The following LRRC7 variants were observed in gnomAD, a reference collection of about 807,000 sequenced individuals.
LRRC7 encodes leucine-rich repeat-containing protein 7.
In LRRC7, 23 loss-of-function variants were observed where a neutral mutation model predicts 175.7. The observed-to-expected ratio is 0.13, with a 90% CI of 0.09 to 0.19. LRRC7 has a LOEUF of 0.19. LRRC7 is among the 10% of genes least tolerant of loss of function. LRRC7 has a pLI of 1.00. For synonymous variants in LRRC7, 685 were observed against 680.9 expected (o/e 1.01, Z -0.09); for missense variants, 1,354 against 1,904.7 (o/e 0.71, Z 5.38).
chr1:69,602,517 G>T (rs906577923), intron 1 of LRRC7, among the ~76,000 whole-genome samples: 1 of 152,088 alleles, frequency 6.6e-6, no homozygotes, highest in Admixed American at 6.5e-5. Flanking sequence ...AAAAGTATTG[G>T]TGTTTATTAC....
chr1:69,908,206 A>G (rs1289185836), intron 7 of LRRC7, among the ~76,000 whole-genome samples: 1 of 152,142 alleles, frequency 6.6e-6, no homozygotes, highest in Non-Finnish European at 1.5e-5. Context: ...TCTTTTCAAA[A>G]AACCAGCTCC....
Position 70,128,673 on chromosome 1 carries a change from G to A in LRRC7, c.*6786G>A, listed in dbSNP as rs1222621909. 6.6e-6 allele frequency: 1 copy of A among 152,116 alleles called. No individual in the cohort carries two copies. The highest frequency in any genetic ancestry group is 1.5e-5 in the Non-Finnish European group (1 of 68,018). The allele number at this position is 152,116 out of a possible 1,614,324, so 9.4% of individuals were successfully genotyped here. A position where few individuals can be genotyped will look rare whatever the true frequency, so the allele number is the denominator to read the frequency against. On this transcript the variant is annotated 3_prime_UTR_variant, in exon 27 of 27. Coordinates refer to ENST00000651989, the MANE Select transcript of LRRC7 (RefSeq NM_001370785.2). ...ATTATAAATATTAAAATAAATATTT[G>A]TTGGGCATCAACTACATATCAGGTA...
chr1:69,801,361 G>A (rs1232450551), intron 4 of LRRC7, among the ~76,000 whole-genome samples: 1 of 151,386 alleles, frequency 6.6e-6, no homozygotes, highest in African/African-American at 2.4e-5. Context: ...TTTATTTTTG[G>A]GGAGATGCCT....
chr1:69,725,750 A>G (rs1666897084), intron 2 of LRRC7, among the ~76,000 whole-genome samples: 1 of 152,158 alleles, frequency 6.6e-6, no homozygotes, highest in Non-Finnish European at 1.5e-5. Context: ...CAAGGCCATG[A>G]TGGCCAGAGA....
chr1:69,800,965 T>G (rs1676408844), intron 4 of LRRC7, among the ~76,000 whole-genome samples: 1 of 151,872 alleles, frequency 6.6e-6, no homozygotes, highest in Non-Finnish European at 1.5e-5. Context: ...TTTTGTCAAA[T>G]GCTTTTTCTC....
At chr1:69,803,171 C>T (rs1676719891) in intron 4 of LRRC7, among the ~76,000 whole-genome samples, 1 of 151,354 alleles carries the variant, frequency 6.6e-6, no homozygotes. Flanking sequence ...ATCTAATATT[C>T]AGTCTTAATA....
rs577488654 is a variant in LRRC7 at position 69,588,526 on chromosome 1, A to G, written c.2+19885A>G. 6.6e-5 allele frequency among the ~76,000 whole-genome samples: 10 copies of G among 152,298 alleles called. No homozygotes were observed. In the East Asian group the frequency reaches 1.5e-3, roughly 24 times the overall value. ...AAATATAAAATAAAACAAATGCAAT[A>G]TAGTGGATAAAGTATGAGCTTTGAC... On this transcript the variant is annotated intron_variant, in intron 1 of 26. Coordinates refer to ENST00000651989, the MANE Select transcript of LRRC7 (RefSeq NM_001370785.2).
At chr1:69,705,990 T>C (rs1557625473) in intron 2 of LRRC7, among the ~76,000 whole-genome samples, 1 of 152,302 alleles carries the variant, frequency 6.6e-6, no homozygotes, top group Middle Eastern at 3.4e-3. Context: ...TGATTATTTC[T>C]TATATGAATT....
At chr1:69,571,639 G>A (rs1261825669) in intron 1 of LRRC7, among the ~76,000 whole-genome samples, 1 of 151,840 alleles carries the variant, frequency 6.6e-6, no homozygotes, top group Non-Finnish European at 1.5e-5. Context: ...TCACTTTTTA[G>A]AACAGATAAA....
intron 1 of LRRC7, among the ~76,000 whole-genome samples, chr1:69,658,902 G>A (rs1657033893): frequency 6.6e-6 from 1 of 151,928 alleles, no homozygotes; most frequent in South Asian, 2.1e-4. Flanking sequence ...AACCAACAAG[G>A]TATGATGACA....
At chr1:69,970,351 G>A (rs66914569) in intron 8 of LRRC7, among the ~76,000 whole-genome samples, 17 of 151,802 alleles carry the variant, frequency 1.1e-4, no homozygotes, top group Non-Finnish European at 2.4e-4. Flanking sequence ...CTGGTTCTTC[G>A]AAAAGATAAA....
At chr1:69,764,730 C>CAGACAGACAGATAGATAGATAGAT (rs1377304958) in intron 3 of LRRC7, among the ~76,000 whole-genome samples, 52 of 140,412 alleles carry the variant, frequency 3.7e-4, no homozygotes, top group African/African-American at 9.9e-4. Flanking sequence ...GATAGATAGA[C>CAGACAGACAGATAGATAGATAGAT]AGATAGATAG....
chr1:69,706,584 GT>G (rs1664066174), intron 2 of LRRC7, among the ~76,000 whole-genome samples: 1 of 152,052 alleles, frequency 6.6e-6, no homozygotes, highest in South Asian at 2.1e-4. Flanking sequence ...TTTGTGTACT[GT>G]TTTTTTAAAG....
intron 4 of LRRC7, among the ~76,000 whole-genome samples, chr1:69,815,758 A>G (rs933368805): frequency 6.6e-6 from 1 of 152,106 alleles, no homozygotes; most frequent in Admixed American, 6.6e-5. Flanking sequence ...TATTTCTCAC[A>G]GTTCTGGAGG....
At position 70,130,490 on chromosome 1, in the gene LRRC7, A is replaced by C. The variant is rs1040417195; in HGVS notation, c.*8603A>C. On this transcript the variant is annotated 3_prime_UTR_variant, in exon 27 of 27. Transcript: ENST00000651989. ...GACTCAAAATTCCCAGTTAAAAAAA[A>C]TTTCTCCTTTTTAAATCAGTCTTCC... is the stretch of plus-strand genomic sequence containing the variant. Among the ~76,000 whole-genome samples, 9 of 152,250 alleles carry C rather than the reference A, an allele frequency of 5.9e-5. No individual in the cohort carries two copies. The highest frequency in any genetic ancestry group is 1.5e-5 in the Non-Finnish European group (1 of 68,010).
chr1:69,931,459 A>G (rs1326159919), intron 7 of LRRC7, 48 bp from the exon 8 acceptor site: 2 of 1,454,348 alleles, frequency 1.4e-6, no homozygotes, highest in Admixed American at 3.4e-5. Context: ...TTTTAGAGCA[A>G]TGTATCATGC....
rs183452957 is a variant in LRRC7, at chr1:70,142,321, C to T, written c.*20434C>T. On this transcript the variant is annotated 3_prime_UTR_variant, in exon 27 of 27. Transcript: ENST00000651989. ...TGGTTTTAGCTTTGATGACACCTAG[C>T]GTCAGTGGAATGCAATGAATGCTTA... 2.6e-5 allele frequency: 4 copies of T among 152,034 alleles called. No homozygotes were observed. Among genetic ancestry groups the T allele is most frequent in the African/African-American group, 7.2e-5 (3 of 41,428 alleles). 9.4% of individuals were successfully genotyped at this position (152,034 alleles called of 1,614,324 possible). A position where few individuals can be genotyped will look rare whatever the true frequency, so the allele number is the denominator to read the frequency against.
intron 7 of LRRC7, among the ~76,000 whole-genome samples, chr1:69,897,233 A>G (rs113008041): frequency 1.8e-4 from 27 of 152,316 alleles, no homozygotes; most frequent in African/African-American, 6.3e-4. Flanking sequence ...ATCTGACTTC[A>G]GTACTCATGC....
At chr1:69,862,732 C>T (rs1318264697) in intron 7 of LRRC7, among the ~76,000 whole-genome samples, 1 of 151,948 alleles carries the variant, frequency 6.6e-6, no homozygotes, top group Non-Finnish European at 1.5e-5. Context: ...TTCTGGGGTA[C>T]ATGTGCGGAA....
Sources: gnomAD v4.1 joint callset for allele counts (sites outside exome capture counted in the v4.1 genomes callset) on GRCh38, gnomAD v4.1.1 for gene constraint, MANE v1.5 for transcripts, NCBI Gene and HGNC (gene_info 2026-07-23, HGNC 2026-07-21) for gene names.